HACE1: variants seen among roughly 807,000 people sequenced by gnomAD.
The protein encoded by HACE1 is E3 ubiquitin-protein ligase HACE1.
In HACE1, 73 loss-of-function variants were observed where a neutral mutation model predicts 118.4. That is an observed-to-expected ratio of 0.62 (90% confidence interval 0.51 to 0.75). The LOEUF (loss-of-function observed/expected upper bound fraction) is 0.75, where lower values mean the gene tolerates loss of function less well. HACE1 is among the 30% of genes least tolerant of loss of function. HACE1 has a pLI of 0.00. For synonymous variants in HACE1, 368 were observed against 374.8 expected (o/e 0.98, Z 0.21); for missense variants, 749 against 1,102.2 (o/e 0.68, Z 4.54).
chr6:104,784,395 T>G, intron 13 of HACE1, 22 bp downstream of exon 13: 1 of 1,527,548 alleles, frequency 6.5e-7, no homozygotes, highest in Non-Finnish European at 9.1e-7. Flanking sequence ...AGCAGGGTAC[T>G]CCACAAACCC....
intron 19 of HACE1, among the ~76,000 whole-genome samples, chr6:104,759,299 G>A (rs928396943): frequency 2.0e-5 from 3 of 152,142 alleles, no homozygotes; most frequent in Non-Finnish European, 4.4e-5. Flanking sequence ...ATAATTGGAA[G>A]TAAAACACTC....
chr6:104,755,360 A>G (rs977722419), intron 19 of HACE1, among the ~76,000 whole-genome samples: 1 of 152,240 alleles, frequency 6.6e-6, no homozygotes, highest in African/African-American at 2.4e-5. Context: ...TAACAATATT[A>G]GACAGATCAT....
chr6:104,740,714 C>T (rs202183668), intron 22 of HACE1, among the ~76,000 whole-genome samples: 31,024 of 143,526 alleles, frequency 0.22, 3,406 homozygotes, highest in African/African-American at 0.28. Flanking sequence ...GATTCACAGC[C>T]AAATTCTACC....
At chr6:104,746,814 C>G (rs945437919) in intron 20 of HACE1, among the ~76,000 whole-genome samples, 2 of 152,186 alleles carry the variant, frequency 1.3e-5, no homozygotes. Flanking sequence ...GGGAGTGGGA[C>G]AGGCTTTACG....
chr6:104,811,482 C>A (rs1771618910), intron 6 of HACE1, 89 bp from the exon 7 acceptor site: 2 of 668,262 alleles, frequency 3.0e-6, no homozygotes, highest in South Asian at 1.4e-5. Context: ...AAGGGAAGTT[C>A]TTCCCACAAC....
intron 6 of HACE1, among the ~76,000 whole-genome samples, chr6:104,816,032 C>T (rs371064303): frequency 4.0e-5 from 6 of 150,938 alleles, no homozygotes; most frequent in African/African-American, 1.5e-4. Context: ...GAGATCACTG[C>T]ATTGCACTCC....
chr6:104,818,128 A>G (rs1041541691), intron 6 of HACE1, among the ~76,000 whole-genome samples: 7 of 152,188 alleles, frequency 4.6e-5, no homozygotes, highest in African/African-American at 1.7e-4. Flanking sequence ...TGAATTCTAT[A>G]ATCTATGTAA....
chr6:104,747,104 A>G (rs373525558), intron 20 of HACE1, among the ~76,000 whole-genome samples: 2 of 152,348 alleles, frequency 1.3e-5, no homozygotes, highest in East Asian at 3.9e-4. Flanking sequence ...GTACATATTA[A>G]GAAAAATATT....
Position 104,833,242 on chromosome 6 carries a change from G to T in HACE1, c.403-69C>A. 3.6e-6 allele frequency: 5 copies of T among 1,386,140 alleles called. No individual in the cohort carries two copies. The South Asian group carries it at 5.8e-5, about 16-fold the overall frequency. 85.9% of individuals were successfully genotyped at this position (1,386,140 alleles called of 1,614,324 possible). A position where few individuals can be genotyped will look rare whatever the true frequency, so the allele number is the denominator to read the frequency against. ...TATATAAAAACAGCAGATAAATAAT[G>T]TTATTTCTCAGCTGGGCGTGATTTG... On this transcript the variant is annotated intron_variant, in intron 5 of 23. Transcript: ENST00000262903.
chr6:104,804,168 G>T (rs554960460), intron 7 of HACE1, among the ~76,000 whole-genome samples: 1 of 152,100 alleles, frequency 6.6e-6, no homozygotes, highest in Non-Finnish European at 1.5e-5. Context: ...GGATGTGAAG[G>T]ACCTCTTCAA....
Position 104,859,687 on chromosome 6 carries a change from G to T in HACE1, c.-45C>A, listed in dbSNP as rs569840665. The T allele has an allele frequency of 1.3e-6, 2 of 1,495,396 alleles. No individual in the cohort carries two copies. Among genetic ancestry groups the T allele is most frequent in the Non-Finnish European group, 9.0e-7 (1 of 1,114,700 alleles). The allele number at this position is 1,495,396 out of a possible 1,614,324, so 92.6% of individuals were successfully genotyped here. On this transcript the variant is annotated 5_prime_UTR_variant, in exon 1 of 24. Transcript: ENST00000262903. ...ATCCTCCGCGATCAGCCGCCCCACC[G>T]GCGGCCTCCGCGCCCAGAGCCCTAC...
Position 104,730,307 on chromosome 6 carries a change from T to A in HACE1, c.2623A>T (p.Thr875Ser). The A allele has an allele frequency of 1.4e-6, 2 of 1,406,282 alleles. No homozygotes were observed. Among genetic ancestry groups the A allele is most frequent in the Non-Finnish European group, 2.0e-6 (2 of 989,896 alleles). 87.1% of individuals were successfully genotyped at this position (1,406,282 alleles called of 1,614,324 possible). Residue 875 changes from threonine (T) to serine (S), a missense_variant, in exon 23 of 24, where the codon ACA becomes TCA. Physicochemically the swap from Thr to Ser is moderately conservative, Grantham distance 58. Around this residue, in one of 5 missense-constraint regions of HACE1, gnomAD observed 165 missense variants for 229.9 expected, o/e 0.72. Transcript: ENST00000262903. ...YTPNLLPTSS[T>S]CINMLKLPEY... ...AAATAAACCAAGTCAACATACCATG[T>A]GCTTGAAGTTGGTAAAAGATTTGGA... is the stretch of plus-strand genomic sequence containing the variant.
At chr6:104,831,707 C>T (rs1196274687) in intron 6 of HACE1, among the ~76,000 whole-genome samples, 2 of 151,948 alleles carry the variant, frequency 1.3e-5, no homozygotes, top group African/African-American at 4.8e-5. Context: ...TCCTGGCTAA[C>T]GCAGTGAAAC....
chr6:104,769,343 T>C (rs1381280988), intron 19 of HACE1, among the ~76,000 whole-genome samples: 1 of 152,152 alleles, frequency 6.6e-6, no homozygotes, highest in Non-Finnish European at 1.5e-5. Flanking sequence ...TTGTCATATA[T>C]ATCTGAAAGG....
intron 20 of HACE1, 92 bp downstream of exon 20, chr6:104,750,249 T>C: frequency 9.5e-7 from 1 of 1,047,328 alleles, no homozygotes; most frequent in Non-Finnish European, 1.4e-6. Flanking sequence ...CATTATTTCA[T>C]TCATCATAAT....
At chr6:104,788,427 T>A (rs11759010) in intron 11 of HACE1, among the ~76,000 whole-genome samples, 2 of 152,196 alleles carry the variant, frequency 1.3e-5, no homozygotes, top group East Asian at 3.9e-4. Flanking sequence ...TCGAGCTTAC[T>A]GAACGATTTT....
At chr6:104,856,267 T>C (rs1391588825) in intron 1 of HACE1, among the ~76,000 whole-genome samples, 2 of 152,214 alleles carry the variant, frequency 1.3e-5, no homozygotes, top group Non-Finnish European at 2.9e-5. Flanking sequence ...TAATTAATTA[T>C]ATACAATTTC....
chr6:104,824,560 C>T (rs1389102982), intron 6 of HACE1, among the ~76,000 whole-genome samples: 2 of 152,152 alleles, frequency 1.3e-5, no homozygotes. Flanking sequence ...AGAAACAACA[C>T]TACCTGAGAG....
intron 7 of HACE1, among the ~76,000 whole-genome samples, chr6:104,808,222 A>G (rs1283849931): frequency 2.0e-5 from 3 of 152,096 alleles, no homozygotes; most frequent in Admixed American, 2.0e-4. Context: ...AGAATTAGAC[A>G]AGAAACAAAA....
Sources: allele counts gnomAD v4.1 joint callset (sites outside exome capture counted in the v4.1 genomes callset), GRCh38; gene constraint gnomAD v4.1.1; regional missense constraint gnomAD v4.1.1; transcripts MANE v1.5; gene names NCBI Gene and HGNC (gene_info 2026-07-23, HGNC 2026-07-21).